The following STK25 variants were observed in gnomAD, a reference collection of about 807,000 sequenced individuals.
The protein encoded by STK25 is serine/threonine-protein kinase 25.
STK25 carries 29 observed loss-of-function variants against 53.8 expected under a neutral mutation model. That is an observed-to-expected ratio of 0.54 (90% CI 0.40 to 0.74). The LOEUF is 0.74. Among genes scored for constraint, STK25 ranks in the 30% least tolerant of loss-of-function variants. The pLI is 0.00. For missense variants in STK25, 420 were observed against 568.0 expected (o/e 0.74, Z 2.65); for synonymous variants, 247 against 238.3 (o/e 1.04, Z -0.33).
intron 2 of STK25, among the ~76,000 whole-genome samples, chr2:241,506,175 A>T (rs1173965392): frequency 9.2e-5 from 14 of 152,212 alleles, no homozygotes; most frequent in Admixed American, 9.2e-4. Flanking sequence ...CCACTCTCCC[A>T]CAAAGGGGCT....
At chr2:241,508,898 C>T (rs1436120509), upstream of STK25, among the ~76,000 whole-genome samples, 2 of 152,122 alleles carry the variant, frequency 1.3e-5, no homozygotes, top group African/African-American at 2.4e-5. Context: ...CTGGCGCCTG[C>T]CAGGCGTCGT....
At chr2:241,497,320 G>A (rs921656292) in intron 10 of STK25, 4 of 358,684 alleles carry the variant, frequency 1.1e-5, no homozygotes, top group African/African-American at 8.3e-5. Context: ...CCTGCCCGGG[G>A]ATGGACCCCG....
chr2:241,506,135 C>A (rs2065810576), intron 2 of STK25, among the ~76,000 whole-genome samples: 1 of 152,266 alleles, frequency 6.6e-6, no homozygotes, highest in African/African-American at 2.4e-5. Flanking sequence ...AAGTCTAAGG[C>A]AGGAGCACAG....
chr2:241,495,872 C>T (rs2065120636), intron 11 of STK25, among the ~76,000 whole-genome samples, 171 bp from the exon 12 acceptor site: 1 of 152,214 alleles, frequency 6.6e-6, no homozygotes, highest in South Asian at 2.1e-4. Context: ...TGGCCCAGAC[C>T]CCACCCCCAG....
At position 241,493,318 on chromosome 2, in the gene STK25, C is replaced by T. The variant is rs553320289; in HGVS notation, c.*2344G>A. On this transcript the variant is annotated 3_prime_UTR_variant, in exon 12 of 12. Coordinates refer to ENST00000316586, the MANE Select transcript of STK25 (RefSeq NM_001271977.2). ...GATGACTACCCACTGGCCAGCCTCCCGCTGCTGGGCTACAGCGTGAGCATC... is the reference window on the plus strand; with the variant it reads ...GATGACTACCCACTGGCCAGCCTCCTGCTGCTGGGCTACAGCGTGAGCATC... 9.9e-6 allele frequency: 16 copies of T among 1,613,830 alleles called. No individual in the cohort carries two copies. The highest frequency in any genetic ancestry group is 6.7e-5 in the Admixed American group (4 of 59,996).
chr2:241,498,371 CA>C, intron 8 of STK25, 22 bp from the exon 9 acceptor site: 2 of 1,556,948 alleles, frequency 1.3e-6, no homozygotes, highest in Non-Finnish European at 1.7e-6. Flanking sequence ...GAGGAGTTGC[CA>C]GGGCCAGTGG....
rs1430377986 is a variant in STK25, at chr2:241,493,464, C to T, written c.*2198G>A. On this transcript the variant is annotated 3_prime_UTR_variant, in exon 12 of 12. Coordinates refer to ENST00000316586, the MANE Select transcript of STK25 (RefSeq NM_001271977.2). ...TGAAAGGTAATTTTGCAGGAGGCAGCCCTGGTCAGCTGCCCATTTCGATGT... is the reference window on the plus strand; with the variant it reads ...TGAAAGGTAATTTTGCAGGAGGCAGTCCTGGTCAGCTGCCCATTTCGATGT... 6.2e-7 allele frequency: 1 copy of T among 1,611,730 alleles called. No individual in the cohort carries two copies.
rs1574922955 is a variant in STK25 at position 241,492,743 on chromosome 2, C to T, written c.*2919G>A. 1 of 558,376 alleles carries T rather than the reference C, an allele frequency of 1.8e-6. No homozygotes were observed. The highest frequency in any genetic ancestry group is 2.9e-5 in the East Asian group (1 of 34,742). 34.6% of individuals were successfully genotyped at this position (558,376 alleles called of 1,614,324 possible). ...TTTACTTGGTGCCTGGAATGTCACT[C>T]TAGGTTTTTAACATGCTTCTGTTGG... On this transcript the variant is annotated 3_prime_UTR_variant, in exon 12 of 12. Coordinates refer to ENST00000316586, the MANE Select transcript of STK25 (RefSeq NM_001271977.2).
chr2:241,507,335 C>T (rs1340643646), intron 2 of STK25, among the ~76,000 whole-genome samples: 1 of 152,244 alleles, frequency 6.6e-6, no homozygotes, highest in East Asian at 1.9e-4. Flanking sequence ...TAGTGGCTCC[C>T]TCCGAGGCTG....
chr2:241,495,758 C>T lies in STK25; in HGVS notation c.1242-57G>A, dbSNP rs151306783. On this transcript the variant is annotated intron_variant, in intron 11 of 11. Coordinates refer to ENST00000316586, the MANE Select transcript of STK25 (RefSeq NM_001271977.2). ...TGCACCTCTGTGCCCAGGCTCCTGA[C>T]GGCCTCTTGGGTGTGCAGTCTGCGG... 379 of 1,602,834 alleles carry T rather than the reference C, an allele frequency of 2.4e-4. 2 individuals carry two copies. The African/African-American group carries it at 4.3e-3, about 18-fold the overall frequency.
At chr2:241,506,389 G>A (rs1222725335) in intron 2 of STK25, among the ~76,000 whole-genome samples, 1 of 152,248 alleles carries the variant, frequency 6.6e-6, no homozygotes, top group African/African-American at 2.4e-5. Context: ...ATCGCACCAA[G>A]AACCAATAGC....
Position 241,496,379 on chromosome 2 carries a change from A to G in STK25, c.1241+19T>C. ...TGGTGGGGGTGCTCTCCCCGACCCT[A>G]TGGCACGGCCGCCCTCACCTCTGCA... On this transcript the variant is annotated intron_variant, in intron 11 of 11. Coordinates refer to ENST00000316586, the MANE Select transcript of STK25 (RefSeq NM_001271977.2). The surrounding 1 kb of genome is among the most constrained non-coding windows in gnomAD (Gnocchi z 5.8). 1 of 1,607,774 alleles carries G rather than the reference A, an allele frequency of 6.2e-7. No individual in the cohort carries two copies. Among genetic ancestry groups the G allele is most frequent in the East Asian group, 2.2e-5 (1 of 44,680 alleles).
chr2:241,495,605 T>G lies in STK25; in HGVS notation c.*57A>C. Reference sequence around the variant, plus strand: ...ACCTTCCAAGTCAGCACAGTTCTTATGGAGCTCAGAACAAAAACAAACGAC... The same window carrying G: ...ACCTTCCAAGTCAGCACAGTTCTTAGGGAGCTCAGAACAAAAACAAACGAC... On this transcript the variant is annotated 3_prime_UTR_variant, in exon 12 of 12. Transcript: ENST00000316586. The G allele has an allele frequency of 6.3e-7, 1 of 1,591,532 alleles. No individual in the cohort carries two copies. The highest frequency in any genetic ancestry group is 8.6e-7 in the Non-Finnish European group (1 of 1,159,416).
In STK25 at chr2:241,501,036, AG is replaced by A. The variant is rs2065477889; in HGVS notation, c.262-241del. On this transcript the variant is annotated intron_variant, in intron 3 of 11. Transcript: ENST00000316586. This position sits in a 1 kb window ranked among gnomAD's most constrained non-coding sequence, Gnocchi z 5.3. ...AGCAGTGGCTGACTCCACTTCACCA[AG>A]ACCCCATCAAAAACCAGGCTGCTGA... 3.4e-6 allele frequency: 2 copies of A among 586,124 alleles called. No homozygotes were observed. The highest frequency in any genetic ancestry group is 6.1e-6 in the Non-Finnish European group (2 of 328,758). The allele number at this position is 586,124 out of a possible 1,614,324, so 36.3% of individuals were successfully genotyped here. A position where few individuals can be genotyped will look rare whatever the true frequency, so the allele number is the denominator to read the frequency against.
intron 4 of STK25, 46 bp from the exon 5 acceptor site, chr2:241,500,327 C>T: frequency 7.2e-7 from 1 of 1,395,324 alleles, no homozygotes; most frequent in Non-Finnish European, 1.0e-6. Flanking sequence ...CTGTCCCAGG[C>T]CCAATGCCTG....
chr2:241,503,029 G>A (rs940502906), intron 2 of STK25, among the ~76,000 whole-genome samples: 3 of 152,152 alleles, frequency 2.0e-5, no homozygotes, highest in Non-Finnish European at 4.4e-5. Context: ...CAGAGTCCAG[G>A]GGAAGCCAGC....
At chr2:241,499,473 C>A in intron 5 of STK25, 59 bp from the exon 6 acceptor site, 1 of 1,573,854 alleles carries the variant, frequency 6.4e-7, no homozygotes, top group African/African-American at 1.3e-5. Context: ...CACCCCGGGC[C>A]CCCTGAGAAG....
Position 241,501,265 on chromosome 2 carries a change from A to G in STK25, c.261+213T>C. On this transcript the variant is annotated intron_variant, in intron 3 of 11. Transcript: ENST00000316586. The surrounding 1 kb of genome is among the most constrained non-coding windows in gnomAD (Gnocchi z 5.3). ...CTAGCAGCGCCCTCACTGCATTACC[A>G]CAGGCAGGCAAGTGGGTCCCAATGG... 1.6e-6 allele frequency: 1 copy of G among 623,404 alleles called. No individual in the cohort carries two copies. Among genetic ancestry groups the G allele is most frequent in the Admixed American group, 2.3e-5 (1 of 42,592 alleles). The allele number at this position is 623,404 out of a possible 1,614,324, so 38.6% of individuals were successfully genotyped here. A position where few individuals can be genotyped will look rare whatever the true frequency, so the allele number is the denominator to read the frequency against.
chr2:241,498,614 C>T (rs2065322358), intron 8 of STK25, 25 bp downstream of exon 8: 1 of 1,603,424 alleles, frequency 6.2e-7, no homozygotes, highest in African/African-American at 1.3e-5. Context: ...CCTAGGGTCA[C>T]CATGAGGATA....
Sources: allele counts gnomAD v4.1 joint callset (sites outside exome capture counted in the v4.1 genomes callset), GRCh38; gene constraint gnomAD v4.1.1; non-coding constraint Gnocchi (gnomAD v3.1); transcripts MANE v1.5; gene names NCBI Gene and HGNC (gene_info 2026-07-23, HGNC 2026-07-21).